SEMA3A: variants seen among roughly 807,000 people sequenced by gnomAD.
SEMA3A encodes the protein semaphorin 3A.
Under a neutral mutation model 97.9 loss-of-function variants are expected in SEMA3A, and 29 were observed. That is an observed-to-expected ratio of 0.30 (90% CI 0.22 to 0.40). The LOEUF is 0.40. SEMA3A is among the 10% of genes least tolerant of loss of function. The pLI is 1.00. For synonymous variants in SEMA3A, 321 were observed against 323.7 expected (o/e 0.99, Z 0.09); for missense variants, 763 against 951.3 (o/e 0.80, Z 2.60).
chr7:84,008,630 C>CT (rs67318486), intron 9 of SEMA3A, among the ~76,000 whole-genome samples: 35,100 of 151,890 alleles, frequency 0.23, 4,385 homozygotes, highest in African/African-American at 0.32. Flanking sequence ...TTTAAACAAA[C>CT]TTCCCCCTTG....
At chr7:84,437,565 CT>C (rs796720398) in intron 1 of SEMA3A, among the ~76,000 whole-genome samples, 5,167 of 130,830 alleles carry the variant, frequency 0.039, 184 homozygotes, top group African/African-American at 0.11. Flanking sequence ...CTAATGCTGG[CT>C]TTTTTTTTTT....
rs1418152396 is a variant in SEMA3A, at chr7:84,424,545, AAT to A, written c.-245-52647_-245-52646del. ...ATGTTATATATAATATATAAATATT[AAT>A]ATATATTATATATAATATATAAATA... On this transcript the variant is annotated intron_variant, in intron 1 of 3. Transcript: ENST00000424555. Among the ~76,000 whole-genome samples, 360 of 85,950 alleles carry A rather than the reference AAT, an allele frequency of 4.2e-3. 10 individuals carry two copies. The highest frequency in any genetic ancestry group is 0.022 in the African/African-American group (345 of 15,652). 56.4% of individuals were successfully genotyped at this position (85,950 alleles called of 152,430 possible). A position where few individuals can be genotyped will look rare whatever the true frequency, so the allele number is the denominator to read the frequency against.
chr7:83,958,921 T>G lies in SEMA3A; in HGVS notation c.*2450A>C, dbSNP rs1039791863. 3.9e-5 allele frequency: 6 copies of G among 152,152 alleles called. No homozygotes were observed. The highest frequency in any genetic ancestry group is 1.4e-4 in the African/African-American group (6 of 41,468). 9.4% of individuals were successfully genotyped at this position (152,152 alleles called of 1,614,324 possible). A position where few individuals can be genotyped will look rare whatever the true frequency, so the allele number is the denominator to read the frequency against. On this transcript the variant is annotated 3_prime_UTR_variant, in exon 17 of 17. Transcript: ENST00000265362. ...GATGATTCATGCATATGACAAAGTC[T>G]ATTTAAAGCTGAATTATTAAATGGG...
chr7:84,041,795 T>TAG (rs925904281), intron 6 of SEMA3A, among the ~76,000 whole-genome samples: 1 of 152,202 alleles, frequency 6.6e-6, no homozygotes, highest in African/African-American at 2.4e-5. Context: ...AACAGGCTTA[T>TAG]AGAGGGCTTT....
chr7:84,435,068 T>C (rs1003232150), intron 1 of SEMA3A, among the ~76,000 whole-genome samples: 3 of 152,124 alleles, frequency 2.0e-5, no homozygotes, highest in African/African-American at 7.2e-5. Context: ...TCAAACTATA[T>C]CTCCTTGCTG....
intron 1 of SEMA3A, among the ~76,000 whole-genome samples, chr7:84,477,076 AT>A (rs201017972): frequency 0.02 from 1,949 of 98,242 alleles, 31 homozygotes; most frequent in Admixed American, 0.083. Flanking sequence ...AAAAAAAAAT[AT>A]ATATATATAT....
At chr7:83,964,654 G>T (rs1375989665) in intron 15 of SEMA3A, among the ~76,000 whole-genome samples, 1 of 152,100 alleles carries the variant, frequency 6.6e-6, no homozygotes, top group Non-Finnish European at 1.5e-5. Context: ...TTTCTCAAAT[G>T]CCCTAGGTGT....
chr7:84,397,515 A>T (rs1191420301), intron 1 of SEMA3A, among the ~76,000 whole-genome samples: 4 of 149,178 alleles, frequency 2.7e-5, no homozygotes, highest in African/African-American at 7.3e-5. Context: ...TATATTACAT[A>T]TATTACATAT....
At chr7:84,435,405 C>T (rs1013928972) in intron 1 of SEMA3A, among the ~76,000 whole-genome samples, 1 of 152,026 alleles carries the variant, frequency 6.6e-6, no homozygotes, top group South Asian at 2.1e-4. Flanking sequence ...GTCAGGAGAT[C>T]GAGACAATCC....
At chr7:84,197,864 C>G (rs1048925779), upstream of SEMA3A, among the ~76,000 whole-genome samples, 1 of 151,514 alleles carries the variant, frequency 6.6e-6, no homozygotes, top group African/African-American at 2.4e-5. Flanking sequence ...CTCAGCCTCC[C>G]GAGTAGCTGG....
intron 1 of SEMA3A, among the ~76,000 whole-genome samples, chr7:84,484,912 C>T (rs1213511769): frequency 6.6e-6 from 1 of 152,102 alleles, no homozygotes; most frequent in Non-Finnish European, 1.5e-5. Context: ...TTTATTGCAA[C>T]CTGCACTGCA....
At chr7:84,369,293 T>C (rs1329085856) in intron 2 of SEMA3A, among the ~76,000 whole-genome samples, 1 of 150,948 alleles carries the variant, frequency 6.6e-6, no homozygotes, top group Non-Finnish European at 1.5e-5. Context: ...TTATCTTTCT[T>C]TGGAACCAAG....
chr7:84,078,840 G>C (rs1285309368), intron 4 of SEMA3A, among the ~76,000 whole-genome samples: 3 of 151,790 alleles, frequency 2.0e-5, no homozygotes, highest in Non-Finnish European at 4.4e-5. Context: ...AAATATTTAT[G>C]TCTAAATTAA....
At chr7:84,330,130 T>C (rs776903109) in intron 2 of SEMA3A, among the ~76,000 whole-genome samples, 5 of 152,078 alleles carry the variant, frequency 3.3e-5, no homozygotes, top group Non-Finnish European at 7.4e-5. Flanking sequence ...ATGTGCAATT[T>C]ATTTTAAGGC....
chr7:84,172,697 A>C (rs1211898131), intron 1 of SEMA3A, among the ~76,000 whole-genome samples: 2 of 152,056 alleles, frequency 1.3e-5, no homozygotes, highest in African/African-American at 4.8e-5. Context: ...AAGTGCTGGG[A>C]TTACAGGCGT....
intron 1 of SEMA3A, among the ~76,000 whole-genome samples, chr7:84,182,602 A>AT (rs35735535): frequency 0.063 from 9,634 of 152,138 alleles, 352 homozygotes; most frequent in African/African-American, 0.094. Flanking sequence ...TTTCATCCTC[A>AT]CATTAACTTC....
intron 12 of SEMA3A, among the ~76,000 whole-genome samples, chr7:83,994,777 G>T (rs897580279): frequency 6.6e-6 from 1 of 151,708 alleles, no homozygotes; most frequent in Non-Finnish European, 1.5e-5. Context: ...TTGTTTGTCT[G>T]TGCCCTGCCC....
intron 12 of SEMA3A, among the ~76,000 whole-genome samples, chr7:83,988,860 CTTT>C (rs11309468): frequency 7.5e-6 from 1 of 132,706 alleles, no homozygotes; most frequent in Non-Finnish European, 1.6e-5. Context: ...GGATATTCAG[CTTT>C]TTTTTTTTTT....
At chr7:84,205,009 C>A (rs1562851069) in intron 3 of SEMA3A, among the ~76,000 whole-genome samples, 1 of 152,154 alleles carries the variant, frequency 6.6e-6, no homozygotes, top group Non-Finnish European at 1.5e-5. Flanking sequence ...TTAGAAGACC[C>A]ATTACTAGTA....
Sources: allele counts gnomAD v4.1 joint callset (sites outside exome capture counted in the v4.1 genomes callset), GRCh38; gene constraint gnomAD v4.1.1; transcripts MANE v1.5; gene names NCBI Gene and HGNC (gene_info 2026-07-23, HGNC 2026-07-21).